The following FLT1 variants were observed in gnomAD, a reference collection of about 807,000 sequenced individuals.
The protein encoded by FLT1 is vascular endothelial growth factor receptor 1.
A neutral mutation model predicts 156.3 loss-of-function variants in FLT1; 49 were observed. The ratio of observed to expected loss-of-function variants is 0.31; its 90% CI spans 0.25 to 0.40. The LOEUF (loss-of-function observed/expected upper bound fraction) is 0.40, where lower values mean the gene tolerates loss of function less well. FLT1 is among the 10% of genes least tolerant of loss of function. The pLI is 1.00. For synonymous variants in FLT1, 594 were observed against 583.8 expected, an observed-to-expected ratio of 1.02 and a Z score of -0.25; for missense variants, 1,322 against 1,637.2, an observed-to-expected ratio of 0.81 and a Z score of 3.32.
rs370094297 is a variant in FLT1 at position 28,464,063 on chromosome 13, T to G, written c.388+2840A>C. ...CAGAAGGCTCTTCTATGGTTACCAT[T>G]ATTGATTCCAATATCTTTTAGTATC... On this transcript the variant is annotated intron_variant, in intron 3 of 29. Transcript: ENST00000282397. 3.3e-5 allele frequency among the ~76,000 whole-genome samples: 5 copies of G among 152,334 alleles called. No homozygotes were observed. The East Asian group carries it at 7.7e-4, about 23-fold the overall frequency.
At chr13:28,388,708 T>C (rs1009301285) in intron 13 of FLT1, 1 of 1,057,250 alleles carries the variant, frequency 9.5e-7, no homozygotes, top group African/African-American at 1.6e-5. Context: ...GAAAGTGGAC[T>C]TTTTTAAAGG....
intron 3 of FLT1, among the ~76,000 whole-genome samples, chr13:28,451,522 C>A (rs890125390): frequency 2.0e-5 from 3 of 152,216 alleles, no homozygotes; most frequent in Non-Finnish European, 4.4e-5. Flanking sequence ...GCAGAGGATG[C>A]CTGGTCAGAC....
intron 3 of FLT1, among the ~76,000 whole-genome samples, chr13:28,444,890 AT>A (rs1878525415): frequency 1.3e-5 from 2 of 152,186 alleles, no homozygotes; most frequent in East Asian, 3.8e-4. Flanking sequence ...TTAGAGGGGA[AT>A]TTATAGCTAT....
At chr13:28,478,022 T>C (rs1880646920) in intron 1 of FLT1, among the ~76,000 whole-genome samples, 1 of 152,228 alleles carries the variant, frequency 6.6e-6, no homozygotes, top group Non-Finnish European at 1.5e-5. Context: ...TAATTTTTTA[T>C]CAATTTGTGC....
intron 1 of FLT1, among the ~76,000 whole-genome samples, chr13:28,474,379 C>T (rs942477899): frequency 6.6e-6 from 1 of 152,032 alleles, no homozygotes; most frequent in African/African-American, 2.4e-5. Flanking sequence ...TCACTTGAAC[C>T]TGGAGGAGGA....
chr13:28,428,290 G>T (rs968137436), intron 8 of FLT1, among the ~76,000 whole-genome samples: 1 of 151,932 alleles, frequency 6.6e-6, no homozygotes, highest in Non-Finnish European at 1.5e-5. Flanking sequence ...CAGTATAAGG[G>T]CCATTGTAAG....
At chr13:28,481,442 TACACACACAC>T (rs397687323) in intron 1 of FLT1, among the ~76,000 whole-genome samples, 12 of 142,646 alleles carry the variant, frequency 8.4e-5, no homozygotes, top group South Asian at 2.3e-4. Context: ...CCTCCGCTTA[TACACACACAC>T]ACACACACAC....
chr13:28,343,932 G>A (rs1038147645), intron 16 of FLT1, among the ~76,000 whole-genome samples: 8 of 151,762 alleles, frequency 5.3e-5, no homozygotes, highest in South Asian at 4.2e-4. Context: ...GTGAGCCACC[G>A]CGCCCGGCAG....
chr13:28,300,595 C>T lies in FLT1; in HGVS notation c.*2572G>A, dbSNP rs1484868748. 4.3e-6 allele frequency: 1 copy of T among 232,406 alleles called. No homozygotes were observed. The highest frequency in any genetic ancestry group is 6.0e-5 in the East Asian group (1 of 16,556). 14.4% of individuals were successfully genotyped at this position (232,406 alleles called of 1,614,324 possible). On this transcript the variant is annotated 3_prime_UTR_variant, in exon 30 of 30. Coordinates refer to ENST00000282397, the MANE Select transcript of FLT1 (RefSeq NM_002019.4). ...ACTGTCGGCCAAAGATGCACTCCTC[C>T]TTTAATCAATTTAAATGAGGCTAGC...
chr13:28,424,925 A>G (rs1386078132), intron 10 of FLT1, among the ~76,000 whole-genome samples: 1 of 152,226 alleles, frequency 6.6e-6, no homozygotes, highest in Non-Finnish European at 1.5e-5. Flanking sequence ...AAATATGTTT[A>G]TATAAAGACA....
intron 14 of FLT1, among the ~76,000 whole-genome samples, chr13:28,358,706 A>T (rs540793252): frequency 6.6e-6 from 1 of 152,358 alleles, no homozygotes; most frequent in South Asian, 2.1e-4. Flanking sequence ...TACCAAACAC[A>T]CACATTTACA....
intron 28 of FLT1, among the ~76,000 whole-genome samples, chr13:28,307,734 G>A (rs1201404810): frequency 6.6e-6 from 1 of 151,518 alleles, no homozygotes; most frequent in Admixed American, 6.6e-5. Flanking sequence ...ACTGTCATTG[G>A]CCTTCCAGGC....
At chr13:28,374,342 G>A (rs1873749678) in intron 14 of FLT1, among the ~76,000 whole-genome samples, 1 of 151,936 alleles carries the variant, frequency 6.6e-6, no homozygotes, top group South Asian at 2.1e-4. Flanking sequence ...CTGAGCCCGG[G>A]AGGTTGAGGC....
chr13:28,419,641 A>C (rs573412041), intron 10 of FLT1, among the ~76,000 whole-genome samples: 2 of 152,330 alleles, frequency 1.3e-5, no homozygotes, highest in South Asian at 4.1e-4. Flanking sequence ...GCACTTTGGG[A>C]GGCCGAGGCG....
At chr13:28,473,693 GAA>G (rs1880321609) in intron 1 of FLT1, among the ~76,000 whole-genome samples, 2 of 134,468 alleles carry the variant, frequency 1.5e-5, no homozygotes, top group Non-Finnish European at 3.2e-5. Context: ...GAGAGAGAGA[GAA>G]AGAAAAGAAA....
chr13:28,404,074 G>A (rs995488099), intron 11 of FLT1, among the ~76,000 whole-genome samples: 38 of 150,688 alleles, frequency 2.5e-4, no homozygotes, highest in Non-Finnish European at 5.3e-4. Context: ...AAGAAAGAAA[G>A]AACAAATTAA....
At chr13:28,430,248 G>T in intron 7 of FLT1, 81 bp from the exon 8 acceptor site, 2 of 929,384 alleles carry the variant, frequency 2.2e-6, no homozygotes, top group Non-Finnish European at 3.5e-6. Context: ...CAGGGAGGGT[G>T]TAATCAATGA....
At chr13:28,335,416 C>T (rs1292604526) in intron 17 of FLT1, among the ~76,000 whole-genome samples, 1 of 152,082 alleles carries the variant, frequency 6.6e-6, no homozygotes, top group African/African-American at 2.4e-5. Flanking sequence ...TTCCTCATTA[C>T]TCCACTCCCT....
At chr13:28,315,764 G>A (rs530402978) in intron 25 of FLT1, among the ~76,000 whole-genome samples, 1 of 152,258 alleles carries the variant, frequency 6.6e-6, no homozygotes, top group Admixed American at 6.5e-5. Flanking sequence ...TTAATTCAAA[G>A]CATGAGTGGC....
Sources: allele counts gnomAD v4.1 joint callset (sites outside exome capture counted in the v4.1 genomes callset), GRCh38; gene constraint gnomAD v4.1.1; transcripts MANE v1.5; gene names NCBI Gene and HGNC (gene_info 2026-07-23, HGNC 2026-07-21).